DLGAP2: variants seen among roughly 807,000 people sequenced by gnomAD.
The protein encoded by DLGAP2 is disks large-associated protein 2.
In DLGAP2, 26 loss-of-function variants were observed where a neutral mutation model predicts 100.3. The ratio of observed to expected loss-of-function variants is 0.26; its 90% CI spans 0.19 to 0.36. The LOEUF (loss-of-function observed/expected upper bound fraction) is 0.36, where lower values mean the gene tolerates loss of function less well. Ranked by LOEUF, DLGAP2 falls within the 10% of genes least tolerant of loss-of-function variation. DLGAP2 has a pLI of 1.00. For missense variants in DLGAP2, 1,858 were observed against 1,453.2 expected, an observed-to-expected ratio of 1.28 and a Z score of -4.53; for synonymous variants, 886 against 630.1, an observed-to-expected ratio of 1.41 and a Z score of -6.08.
chr8:1,211,915 C>T (rs1377072482), intron 2 of DLGAP2, among the ~76,000 whole-genome samples: 1 of 152,150 alleles, frequency 6.6e-6, no homozygotes, highest in Admixed American at 6.5e-5. Flanking sequence ...TAATAATTTG[C>T]TTCCATCGCT....
chr8:912,541 C>G (rs2128999858), intron 2 of DLGAP2, among the ~76,000 whole-genome samples: 1 of 152,322 alleles, frequency 6.6e-6, no homozygotes, highest in African/African-American at 2.4e-5. Context: ...CCATGAAGTT[C>G]CTGGACATGG....
At chr8:1,441,844 A>G (rs979227354) in intron 3 of DLGAP2, among the ~76,000 whole-genome samples, 3 of 151,210 alleles carry the variant, frequency 2.0e-5, no homozygotes, top group Non-Finnish European at 2.9e-5. Context: ...CAGGACATGC[A>G]GGTTTGTTAC....
In DLGAP2 at chr8:1,128,363, G is replaced by A. The variant is rs548585480; in HGVS notation, c.74-130488G>A. On this transcript the variant is annotated intron_variant, in intron 2 of 14. Transcript: ENST00000637795. ...TTGTGTTCCGTGAGGACCTGCTCCC[G>A]GTGTTGTGTTCTGTGAGGGCCTGCA... Among the ~76,000 whole-genome samples the A allele has an allele frequency of 6.8e-4, 104 of 152,008 alleles. 1 individual carries two copies. The highest frequency in any genetic ancestry group is 2.3e-3 in the South Asian group (11 of 4,772).
At chr8:1,031,605 C>G (rs1475979424) in intron 2 of DLGAP2, among the ~76,000 whole-genome samples, 1 of 151,922 alleles carries the variant, frequency 6.6e-6, no homozygotes, top group African/African-American at 2.4e-5. Context: ...GAGACGAGGT[C>G]TCATCATGTT....
chr8:1,327,442 T>C lies in DLGAP2; in HGVS notation c.106+68559T>C, dbSNP rs1045684978. Among the ~76,000 whole-genome samples, 3 of 152,198 alleles carry C rather than the reference T, an allele frequency of 2.0e-5. No individual in the cohort carries two copies. The East Asian group carries it at 5.8e-4, about 29-fold the overall frequency. On this transcript the variant is annotated intron_variant, in intron 3 of 14. Transcript: ENST00000637795. Reference sequence around the variant, plus strand: ...CATCTCTTCCTTTGTCTTTTATTGGTTTAGTGACTTCTCGTCATTTAGTTA... The same window carrying C: ...CATCTCTTCCTTTGTCTTTTATTGGCTTAGTGACTTCTCGTCATTTAGTTA...
chr8:988,242 T>A (rs1324274497), intron 2 of DLGAP2, among the ~76,000 whole-genome samples: 1 of 152,230 alleles, frequency 6.6e-6, no homozygotes, highest in Non-Finnish European at 1.5e-5. Flanking sequence ...CAAATCACCT[T>A]CAGATGCAAA....
intron 3 of DLGAP2, among the ~76,000 whole-genome samples, chr8:1,485,858 C>A (rs770378975): frequency 3.9e-5 from 6 of 152,108 alleles, no homozygotes; most frequent in Admixed American, 1.3e-4. Flanking sequence ...AACCCCATCT[C>A]TACTAAAATA....
intron 2 of DLGAP2, among the ~76,000 whole-genome samples, chr8:1,045,497 G>C (rs1332311257): frequency 2.0e-5 from 3 of 152,122 alleles, no homozygotes; most frequent in Non-Finnish European, 2.9e-5. Context: ...CATTTTCTTG[G>C]ATGAAACCCT....
At chr8:1,520,669 G>A (rs1168000007) in intron 4 of DLGAP2, among the ~76,000 whole-genome samples, 1 of 152,118 alleles carries the variant, frequency 6.6e-6, no homozygotes, top group Non-Finnish European at 1.5e-5. Context: ...ATGACCCATG[G>A]ATTCAAAGAG....
intron 2 of DLGAP2, among the ~76,000 whole-genome samples, chr8:1,158,175 T>C (rs746398981): frequency 6.6e-6 from 1 of 152,232 alleles, no homozygotes; most frequent in African/African-American, 2.4e-5. Context: ...ACATATTTGG[T>C]CAGCCTAAAT....
chr8:1,391,687 G>A (rs757968652), intron 3 of DLGAP2, among the ~76,000 whole-genome samples: 3 of 152,218 alleles, frequency 2.0e-5, no homozygotes, highest in East Asian at 3.8e-4. Flanking sequence ...AGGGCCTGGC[G>A]ATGTGTTTTC....
intron 1 of DLGAP2, among the ~76,000 whole-genome samples, chr8:886,221 T>C (rs1300977336): frequency 6.6e-6 from 1 of 152,114 alleles, no homozygotes; most frequent in Non-Finnish European, 1.5e-5. Flanking sequence ...TCGTAGTTTG[T>C]ATTTCTTTGA....
rs373735596 is a variant in DLGAP2, at chr8:1,344,681, C to G, written c.106+85798C>G. 6.0e-4 allele frequency among the ~76,000 whole-genome samples: 92 copies of G among 152,296 alleles called. 1 individual carries two copies. In the South Asian group the frequency reaches 0.012, roughly 20 times the overall value. On this transcript the variant is annotated intron_variant, in intron 3 of 14. Transcript: ENST00000637795. ...GCTCCACTCATTCTCCACTCAGTCT[C>G]CCGCGCTCCTCCGTAACCCCACACT...
At chr8:1,595,876 TTTA>T (rs1361051483) in intron 6 of DLGAP2, among the ~76,000 whole-genome samples, 20 of 140,544 alleles carry the variant, frequency 1.4e-4, no homozygotes, top group Non-Finnish European at 2.4e-4. Flanking sequence ...TTTTTTTAAT[TTTA>T]TTATTATTAT....
At chr8:1,339,734 A>G (rs1240460283) in intron 3 of DLGAP2, among the ~76,000 whole-genome samples, 1 of 152,196 alleles carries the variant, frequency 6.6e-6, no homozygotes, top group East Asian at 1.9e-4. Context: ...GCATCAGGGC[A>G]GAGGAGCCAC....
chr8:1,329,795 G>A (rs1273532320), intron 3 of DLGAP2, among the ~76,000 whole-genome samples: 1 of 152,206 alleles, frequency 6.6e-6, no homozygotes, highest in East Asian at 1.9e-4. Context: ...ACTGCTGTGA[G>A]CCCTATCAAA....
In DLGAP2 at chr8:1,691,579, A is replaced by G. The variant is rs751735056; in HGVS notation, c.2749A>G (p.Met917Val). Residue 917 changes from methionine (M) to valine (V), a missense_variant, in exon 13 of 15, where the codon ATG (methionine) becomes GTG (valine). Coordinates refer to ENST00000637795, the MANE Select transcript of DLGAP2 (RefSeq NM_001346810.2). ...TGCTGTTGGGAGTGCCCAGCTTCTC[A>G]TGTCCCAGAAATTCCAGCAGTTTTA... is the stretch of plus-strand genomic sequence containing the variant. The part of the protein sequence containing the change: ...RSAVGSAQLL[M>V]SQKFQQFYWL... 2.7e-5 allele frequency: 43 copies of G among 1,614,016 alleles called. No homozygotes were observed. Among genetic ancestry groups the G allele is most frequent in the Non-Finnish European group, 3.5e-5 (41 of 1,180,004 alleles).
chr8:756,089 C>CT (rs147094903), intron 1 of DLGAP2, among the ~76,000 whole-genome samples: 2 of 152,146 alleles, frequency 1.3e-5, no homozygotes, highest in East Asian at 1.9e-4. Context: ...ATGTTAGCGG[C>CT]TTTTTTTGTG....
intron 3 of DLGAP2, among the ~76,000 whole-genome samples, chr8:1,298,351 G>A (rs370495749): frequency 2.8e-4 from 42 of 152,272 alleles, no homozygotes; most frequent in African/African-American, 6.3e-4. Flanking sequence ...CAGAGGCCGC[G>A]TCCTTCCACA....
Sources: gnomAD v4.1 joint callset for allele counts (sites outside exome capture counted in the v4.1 genomes callset) on GRCh38, gnomAD v4.1.1 for gene constraint, MANE v1.5 for transcripts, NCBI Gene and HGNC (gene_info 2026-07-23, HGNC 2026-07-21) for gene names.